SOX5: variants seen among roughly 807,000 people sequenced by gnomAD.
The protein encoded by SOX5 is transcription factor SOX-5.
Under a neutral mutation model 92.0 loss-of-function variants are expected in SOX5, and 9 were observed. The observed-to-expected ratio is 0.10, with a 90% CI of 0.06 to 0.17. The LOEUF (loss-of-function observed/expected upper bound fraction) is 0.17, where lower values mean the gene tolerates loss of function less well. SOX5 is among the 10% of genes least tolerant of loss of function. The pLI, the probability that SOX5 is intolerant of heterozygous loss-of-function variation, is 1.00. For synonymous variants in SOX5, 344 were observed against 336.3 expected, an observed-to-expected ratio of 1.02 and a Z score of -0.25; for missense variants, 642 against 944.5, an observed-to-expected ratio of 0.68 and a Z score of 4.20.
intron 2 of SOX5, among the ~76,000 whole-genome samples, chr12:24,277,576 A>T (rs1266413579): frequency 1.4e-5 from 2 of 140,002 alleles, no homozygotes; most frequent in East Asian, 4.1e-4. Flanking sequence ...AAATATATAA[A>T]TATATATTTA....
intron 4 of SOX5, among the ~76,000 whole-genome samples, chr12:24,140,613 T>G (rs542280374): frequency 6.6e-6 from 1 of 152,294 alleles, no homozygotes; most frequent in East Asian, 1.9e-4. Flanking sequence ...GGTTTGAGTG[T>G]TCTCTGTTTA....
chr12:24,137,216 T>C (rs1245689180), intron 4 of SOX5, among the ~76,000 whole-genome samples: 4 of 151,654 alleles, frequency 2.6e-5, no homozygotes, highest in African/African-American at 9.7e-5. Flanking sequence ...GCATATGTGG[T>C]CTAATAAAGC....
intron 1 of SOX5, among the ~76,000 whole-genome samples, chr12:24,409,312 A>G (rs887455573): frequency 1.3e-5 from 2 of 152,128 alleles, no homozygotes; most frequent in African/African-American, 4.8e-5. Context: ...GAGGGGAACA[A>G]TATACACCAC....
At chr12:24,392,990 A>G (rs1161238276) in intron 1 of SOX5, among the ~76,000 whole-genome samples, 1 of 152,194 alleles carries the variant, frequency 6.6e-6, no homozygotes, top group East Asian at 1.9e-4. Context: ...ATAGACCAAC[A>G]GTCCAGCCCA....
intron 4 of SOX5, among the ~76,000 whole-genome samples, chr12:24,032,900 T>C (rs78047276): frequency 0.016 from 2,370 of 152,044 alleles, 45 homozygotes; most frequent in African/African-American, 0.054. Context: ...GCAGGTTATA[T>C]ATTTCACACT....
chr12:23,904,502 G>A (rs1348885563), intron 1 of SOX5, among the ~76,000 whole-genome samples: 1 of 152,072 alleles, frequency 6.6e-6, no homozygotes, highest in Non-Finnish European at 1.5e-5. Context: ...TATTTCACCA[G>A]AGTAGAGATC....
At chr12:23,558,838 G>A in intron 11 of SOX5, among the ~76,000 whole-genome samples, 1 of 152,124 alleles carries the variant, frequency 6.6e-6, no homozygotes, top group East Asian at 1.9e-4. Flanking sequence ...CCTGACCTCA[G>A]GTGATCCGCC....
chr12:23,774,761 C>T lies in SOX5; in HGVS notation c.482-19037G>A, dbSNP rs957350057. Among the ~76,000 whole-genome samples, 17 of 152,034 alleles carry T rather than the reference C, an allele frequency of 1.1e-4. 1 individual carries two copies. The highest frequency in any genetic ancestry group is 7.2e-4 in the Admixed American group (11 of 15,272). ...TTTTACCCTGTCTCATTCTTGTAGT[C>T]ATTTTCTCTGAAGAAAAAAAAATAG... On this transcript the variant is annotated intron_variant, in intron 3 of 14. Transcript: ENST00000451604.
intron 2 of SOX5, among the ~76,000 whole-genome samples, chr12:24,324,951 CTT>C: frequency 6.6e-6 from 1 of 152,066 alleles, no homozygotes; most frequent in Middle Eastern, 3.4e-3. Context: ...AATATTTACT[CTT>C]TTTTCCTTAA....
chr12:23,975,148 A>G (rs1199487194), intron 4 of SOX5, among the ~76,000 whole-genome samples: 1 of 152,140 alleles, frequency 6.6e-6, no homozygotes, highest in Non-Finnish European at 1.5e-5. Context: ...ATACTCTAAC[A>G]TGGGAAATAT....
chr12:23,707,984 C>T (rs1015004504), intron 6 of SOX5, among the ~76,000 whole-genome samples: 3 of 151,858 alleles, frequency 2.0e-5, no homozygotes, highest in East Asian at 1.9e-4. Context: ...ACACACTTCT[C>T]GTAAGAGACT....
At chr12:24,109,317 C>T (rs1565453994) in intron 4 of SOX5, among the ~76,000 whole-genome samples, 1 of 152,092 alleles carries the variant, frequency 6.6e-6, no homozygotes, top group African/African-American at 2.4e-5. Flanking sequence ...GAGAAAACCA[C>T]AAAATAATTG....
intron 12 of SOX5, 137 bp from the exon 13 acceptor site, chr12:23,543,521 C>G: frequency 1.7e-6 from 1 of 579,050 alleles, no homozygotes; most frequent in Non-Finnish European, 2.9e-6. Context: ...GTTCTTAAGA[C>G]AGATGCTTGT....
At chr12:24,174,794 C>T (rs914941279) in intron 4 of SOX5, among the ~76,000 whole-genome samples, 3 of 151,496 alleles carry the variant, frequency 2.0e-5, no homozygotes, top group South Asian at 2.1e-4. Context: ...CACTCCAGCC[C>T]GGGCCACAAG....
chr12:23,871,076 A>G (rs1235458615), intron 2 of SOX5, among the ~76,000 whole-genome samples: 1 of 152,172 alleles, frequency 6.6e-6, no homozygotes, highest in African/African-American at 2.4e-5. Context: ...TTTAAGGTGT[A>G]TATTTTTCCT....
At chr12:23,995,433 G>A (rs1041326803) in intron 4 of SOX5, among the ~76,000 whole-genome samples, 4 of 152,074 alleles carry the variant, frequency 2.6e-5, no homozygotes, top group Non-Finnish European at 2.9e-5. Flanking sequence ...AGTGACTCAC[G>A]ACTATAATCC....
intron 2 of SOX5, among the ~76,000 whole-genome samples, chr12:24,308,036 A>AC (rs1948790927): frequency 6.6e-6 from 1 of 151,968 alleles, no homozygotes; most frequent in South Asian, 2.1e-4. Flanking sequence ...AAAAAAAAAA[A>AC]CAGAAGCTGG....
intron 3 of SOX5, among the ~76,000 whole-genome samples, chr12:23,762,153 C>T (rs2141348954): frequency 6.6e-6 from 1 of 152,158 alleles, no homozygotes; most frequent in Non-Finnish European, 1.5e-5. Flanking sequence ...GCTATTTGTA[C>T]ACTAAAAACC....
intron 4 of SOX5, among the ~76,000 whole-genome samples, chr12:24,137,293 A>T (rs1009418212): frequency 2.0e-5 from 3 of 152,122 alleles, no homozygotes; most frequent in African/African-American, 7.2e-5. Flanking sequence ...CTGAGGAGGT[A>T]CAAGGTTGGA....
Sources: allele counts gnomAD v4.1 joint callset (sites outside exome capture counted in the v4.1 genomes callset), GRCh38; gene constraint gnomAD v4.1.1; transcripts MANE v1.5; gene names NCBI Gene and HGNC (gene_info 2026-07-23, HGNC 2026-07-21).